CSNK2A1: variants seen among roughly 807,000 people sequenced by gnomAD.
CSNK2A1 encodes the protein casein kinase 2 alpha 1, also known as casein kinase II subunit alpha.
In CSNK2A1, 10 loss-of-function variants were observed where a neutral mutation model predicts 62.9. The observed-to-expected ratio is 0.16, with a 90% CI of 0.10 to 0.27. The LOEUF (loss-of-function observed/expected upper bound fraction) is 0.27, where lower values mean the gene tolerates loss of function less well. CSNK2A1 is among the 10% of genes least tolerant of loss of function. The pLI, the probability that CSNK2A1 is intolerant of heterozygous loss-of-function variation, is 1.00. For missense variants in CSNK2A1, 160 were observed against 492.0 expected, an observed-to-expected ratio of 0.33 and a Z score of 6.38; for synonymous variants, 124 against 167.8, an observed-to-expected ratio of 0.74 and a Z score of 2.02.
chr20:510,838 T>C (rs1203799182), intron 2 of CSNK2A1, among the ~76,000 whole-genome samples: 1 of 152,030 alleles, frequency 6.6e-6, no homozygotes, highest in Non-Finnish European at 1.5e-5. Flanking sequence ...CACCTCTGCC[T>C]CCCAAGTAGT....
At chr20:502,861 CTCTTT>C (rs1185197989) in intron 4 of CSNK2A1, 2 of 152,126 alleles carry the variant, frequency 1.3e-5, no homozygotes, top group Non-Finnish European at 2.9e-5. Flanking sequence ...TTCCCTCCTC[CTCTTT>C]TCTTATCTTG....
In CSNK2A1 at chr20:473,601, T is replaced by G. The variant is rs534926012; in HGVS notation, c.*10360A>C. The G allele has an allele frequency of 1.7e-4, 26 of 151,892 alleles. No homozygotes were observed. The highest frequency in any genetic ancestry group is 6.3e-4 in the African/African-American group (26 of 41,546). 9.4% of individuals were successfully genotyped at this position (151,892 alleles called of 1,614,324 possible). A position where few individuals can be genotyped will look rare whatever the true frequency, so the allele number is the denominator to read the frequency against. ...CCTTTCACAGTAGCTGCCATTGTCT[T>G]CTTCCAGATCTTGAGACATTTTATT... On this transcript the variant is annotated 3_prime_UTR_variant, in exon 14 of 14. Coordinates refer to ENST00000217244, the MANE Select transcript of CSNK2A1 (RefSeq NM_177559.3).
intron 2 of CSNK2A1, among the ~76,000 whole-genome samples, chr20:519,985 A>C (rs1202008471): frequency 6.6e-6 from 1 of 152,196 alleles, no homozygotes; most frequent in Non-Finnish European, 1.5e-5. Context: ...GGTTTTGCTA[A>C]GTTATAGCTG....
At position 479,651 on chromosome 20, in the gene CSNK2A1, T is replaced by C. The variant is rs2017915661; in HGVS notation, c.*4310A>G. On this transcript the variant is annotated 3_prime_UTR_variant, in exon 14 of 14. Coordinates refer to ENST00000217244, the MANE Select transcript of CSNK2A1 (RefSeq NM_177559.3). The stretch of plus-strand genomic sequence containing the variant: ...AACATTACATTGCTTCTCTAATGGT[T>C]AAATTTAGCACAGAATCAAAGGAGA... 1 of 152,238 alleles carries C rather than the reference T, an allele frequency of 6.6e-6. No individual in the cohort carries two copies. The highest frequency in any genetic ancestry group is 1.5e-5 in the Non-Finnish European group (1 of 68,030). 9.4% of individuals were successfully genotyped at this position (152,238 alleles called of 1,614,324 possible). A position where few individuals can be genotyped will look rare whatever the true frequency, so the allele number is the denominator to read the frequency against.
At chr20:522,936 A>G (rs1380706092) in intron 2 of CSNK2A1, among the ~76,000 whole-genome samples, 1 of 152,168 alleles carries the variant, frequency 6.6e-6, no homozygotes, top group Non-Finnish European at 1.5e-5. Flanking sequence ...CACGGCCTCC[A>G]GAGTTACTGG....
intron 2 of CSNK2A1, among the ~76,000 whole-genome samples, chr20:515,485 A>G (rs908785861): frequency 6.6e-6 from 1 of 152,328 alleles, no homozygotes; most frequent in East Asian, 1.9e-4. Flanking sequence ...TCTAATCTAC[A>G]AATAAGAACA....
intron 7 of CSNK2A1, 23 bp from the exon 8 acceptor site, chr20:495,825 A>G (rs41310171): frequency 0.011 from 17,538 of 1,604,944 alleles, 135 homozygotes; most frequent in Non-Finnish European, 0.012. Flanking sequence ...CGGGTCAGAA[A>G]GGAGTTAGCC....
At chr20:527,107 G>A (rs1214249715) in intron 2 of CSNK2A1, among the ~76,000 whole-genome samples, 1 of 150,386 alleles carries the variant, frequency 6.6e-6, no homozygotes, top group African/African-American at 2.4e-5. Flanking sequence ...GATGAATTAG[G>A]GTAAATGTCC....
chr20:526,437 T>TC (rs1162123534), intron 2 of CSNK2A1, among the ~76,000 whole-genome samples: 1 of 151,412 alleles, frequency 6.6e-6, no homozygotes, highest in African/African-American at 2.4e-5. Flanking sequence ...ACAGTGAGAC[T>TC]CCATCTCAAA....
At chr20:503,358 AC>A (rs1227593873) in intron 4 of CSNK2A1, 8 of 397,396 alleles carry the variant, frequency 2.0e-5, no homozygotes, top group Non-Finnish European at 3.1e-5. Context: ...TAAAAGGACT[AC>A]TATGGCTAGT....
At chr20:490,034 C>CTT (rs760882404) in intron 9 of CSNK2A1, among the ~76,000 whole-genome samples, 153 bp from the exon 10 acceptor site, 1 of 142,566 alleles carries the variant, frequency 7.0e-6, no homozygotes, top group South Asian at 2.2e-4. Flanking sequence ...TTTAGTCTTT[C>CTT]TTTTTTTTTT....
At chr20:485,105 A>AT (rs2018060075) in intron 13 of CSNK2A1, among the ~76,000 whole-genome samples, 3 of 21,298 alleles carry the variant, frequency 1.4e-4, no homozygotes, top group African/African-American at 4.4e-4. Flanking sequence ...AAAAAAAAAA[A>AT]AAAAATATAT....
chr20:529,653 A>G (rs2019170825), intron 1 of CSNK2A1, among the ~76,000 whole-genome samples: 1 of 152,222 alleles, frequency 6.6e-6, no homozygotes, highest in African/African-American at 2.4e-5. Flanking sequence ...ATATGTGGAA[A>G]TTGCTAAGAT....
At chr20:524,383 T>C (rs1437588524) in intron 2 of CSNK2A1, among the ~76,000 whole-genome samples, 7 of 146,774 alleles carry the variant, frequency 4.8e-5, no homozygotes, top group Admixed American at 6.9e-5. Flanking sequence ...GATAACGCCA[T>C]TGCATTCCAG....
At position 499,388 on chromosome 20, in the gene CSNK2A1, G is replaced by T; in HGVS notation, c.316-83C>A. The T allele has an allele frequency of 2.1e-6, 3 of 1,405,204 alleles. No individual in the cohort carries two copies. Among genetic ancestry groups the T allele is most frequent in the Non-Finnish European group, 2.9e-6 (3 of 1,022,110 alleles). The allele number at this position is 1,405,204 out of a possible 1,614,324, so 87.0% of individuals were successfully genotyped here. A position where few individuals can be genotyped will look rare whatever the true frequency, so the allele number is the denominator to read the frequency against. ...TGGGGACAATGTTTGCGGATGCTGC[G>T]TGGTGAAATTTGGCAGTCCTCGCCT... On this transcript the variant is annotated intron_variant, in intron 5 of 13. Transcript: ENST00000217244. The surrounding 1 kb of genome is among the most constrained non-coding windows in gnomAD (Gnocchi z 4.2).
chr20:511,000 G>A (rs913591899), intron 2 of CSNK2A1, among the ~76,000 whole-genome samples: 4 of 152,086 alleles, frequency 2.6e-5, no homozygotes, highest in African/African-American at 9.7e-5. Context: ...GTGATTATAG[G>A]AGTGATCCAC....
rs1251289477 is a variant in CSNK2A1, at chr20:481,016, G to GT, written c.*2944dup. The GT allele has an allele frequency of 6.6e-6, 1 of 152,132 alleles. No homozygotes were observed. The allele number at this position is 152,132 out of a possible 1,614,324, so 9.4% of individuals were successfully genotyped here. On this transcript the variant is annotated 3_prime_UTR_variant, in exon 14 of 14. Coordinates refer to ENST00000217244, the MANE Select transcript of CSNK2A1 (RefSeq NM_177559.3). ...TATGTAAGCTGGACAGGCATTTCAA[G>GT]TACAAGAAACAGAATTCAAAACGTG...
chr20:541,733 A>G (rs1170446769), intron 1 of CSNK2A1, among the ~76,000 whole-genome samples: 1 of 152,234 alleles, frequency 6.6e-6, no homozygotes, highest in Non-Finnish European at 1.5e-5. Context: ...ACAAAGGAGT[A>G]CATAACTAGG....
In CSNK2A1 at chr20:499,488, T is replaced by G; in HGVS notation, c.316-183A>C. Reference sequence around the variant, plus strand: ...CACCGCACTTAGGTCATTTTTGGGATGGATTTCAAACAGAAGACATGGAGC... The same window carrying G: ...CACCGCACTTAGGTCATTTTTGGGAGGGATTTCAAACAGAAGACATGGAGC... On this transcript the variant is annotated intron_variant, in intron 5 of 13. Coordinates refer to ENST00000217244, the MANE Select transcript of CSNK2A1 (RefSeq NM_177559.3). This position sits in a 1 kb window ranked among gnomAD's most constrained non-coding sequence, Gnocchi z 4.2. 5 of 564,270 alleles carry G rather than the reference T, an allele frequency of 8.9e-6. No individual in the cohort carries two copies. The highest frequency in any genetic ancestry group is 1.5e-5 in the Non-Finnish European group (5 of 327,566). 35.0% of individuals were successfully genotyped at this position (564,270 alleles called of 1,614,324 possible).
Sources: allele counts gnomAD v4.1 joint callset (sites outside exome capture counted in the v4.1 genomes callset), GRCh38; gene constraint gnomAD v4.1.1; non-coding constraint Gnocchi (gnomAD v3.1); transcripts MANE v1.5; gene names NCBI Gene and HGNC (gene_info 2026-07-23, HGNC 2026-07-21).